KMT2A: variants seen among roughly 807,000 people sequenced by gnomAD.
The protein encoded by KMT2A is histone-lysine N-methyltransferase 2A.
In KMT2A, 16 loss-of-function variants were observed where a neutral mutation model predicts 345.3. The observed-to-expected ratio is 0.05, with a 90% CI of 0.03 to 0.07. KMT2A has a LOEUF of 0.07. KMT2A is among the 10% of genes least tolerant of loss of function. The pLI is 1.00. For synonymous variants in KMT2A, 1,599 were observed against 1,778.6 expected (o/e 0.90, Z 2.54); for missense variants, 3,272 against 4,841.6 (o/e 0.68, Z 9.62).
At chr11:118,479,637 G>A (rs1300980782) in intron 5 of KMT2A, among the ~76,000 whole-genome samples, 1 of 152,162 alleles carries the variant, frequency 6.6e-6, no homozygotes, top group African/African-American at 2.4e-5. Flanking sequence ...ATGATAGCAA[G>A]ATAAAGTTGC....
chr11:118,521,211 A>G lies in KMT2A; in HGVS notation c.11514-77A>G. ...CCTCCTGGGGAACTAACAGACCAGG[A>G]GAACTTATTCATGTATTCACGCACT... is the stretch of plus-strand genomic sequence containing the variant. On this transcript the variant is annotated intron_variant, in intron 34 of 35. Coordinates refer to ENST00000534358, the MANE Select transcript of KMT2A (RefSeq NM_001197104.2). The surrounding 1 kb of genome is among the most constrained non-coding windows in gnomAD (Gnocchi z 5.3). 1 of 1,489,440 alleles carries G rather than the reference A, an allele frequency of 6.7e-7. No homozygotes were observed. The allele number at this position is 1,489,440 out of a possible 1,614,324, so 92.3% of individuals were successfully genotyped here. A position where few individuals can be genotyped will look rare whatever the true frequency, so the allele number is the denominator to read the frequency against.
At chr11:118,488,444 C>T (rs1333262337) in intron 10 of KMT2A, 170 bp from the exon 11 acceptor site, 15 of 704,094 alleles carry the variant, frequency 2.1e-5, no homozygotes, top group Non-Finnish European at 3.6e-5. Flanking sequence ...GAATCTCCCG[C>T]AGTGTCCAAT....
At chr11:118,455,088 C>T (rs1162407548) in intron 1 of KMT2A, among the ~76,000 whole-genome samples, 1 of 152,178 alleles carries the variant, frequency 6.6e-6, no homozygotes, top group Non-Finnish European at 1.5e-5. Flanking sequence ...AGCGCAGTGG[C>T]TCAGTCAGTT....
chr11:118,492,192 A>G (rs1157796611), intron 15 of KMT2A, among the ~76,000 whole-genome samples: 2 of 152,134 alleles, frequency 1.3e-5, no homozygotes, highest in Non-Finnish European at 2.9e-5. Flanking sequence ...GAAGCACTTC[A>G]CCCAAGACAG....
Position 118,473,901 on chromosome 11 carries a change from G to C in KMT2A, c.2742G>C (p.Glu914Asp). The C allele has an allele frequency of 6.2e-7, 1 of 1,614,206 alleles. No individual in the cohort carries two copies. Among genetic ancestry groups the C allele is most frequent in the Non-Finnish European group, 8.5e-7 (1 of 1,180,040 alleles). The change falls in exon 3 of 36, where the codon GAG becomes GAC. Residue 914 changes from glutamate (E) to aspartate (D), a missense_variant. Around this residue, in one of 27 missense-constraint regions of KMT2A, gnomAD observed 209 missense variants for 237.4 expected, o/e 0.88. Coordinates refer to ENST00000534358, the MANE Select transcript of KMT2A (RefSeq NM_001197104.2). The surrounding 1 kb of genome is among the most constrained non-coding windows in gnomAD (Gnocchi z 5.2). The part of the protein sequence containing the change: ...ALYPVGRVSK[E>D]KVVGEDVATS... Reference sequence around the variant, plus strand: ...ATCCTGTGGGTAGGGTTTCCAAAGAGAAGGTTGTTGGTGAAGATGTTGCCA... The same window carrying C: ...ATCCTGTGGGTAGGGTTTCCAAAGACAAGGTTGTTGGTGAAGATGTTGCCA...
Position 118,497,907 on chromosome 11 carries a change from A to G in KMT2A, c.5665-29A>G. 6.3e-7 allele frequency: 1 copy of G among 1,578,598 alleles called. No individual in the cohort carries two copies. The highest frequency in any genetic ancestry group is 8.7e-7 in the Non-Finnish European group (1 of 1,149,424). On this transcript the variant is annotated intron_variant, in intron 20 of 35. Coordinates refer to ENST00000534358, the MANE Select transcript of KMT2A (RefSeq NM_001197104.2). This position sits in a 1 kb window ranked among gnomAD's most constrained non-coding sequence, Gnocchi z 4.8. ...AACCTCCTTTGGCATTATATTCTTTAGGAAAAAAGAAATCTCTTTATTTTA... is the reference window on the plus strand; with the variant it reads ...AACCTCCTTTGGCATTATATTCTTTGGGAAAAAAGAAATCTCTTTATTTTA...
chr11:118,450,786 A>C (rs1355274930), intron 1 of KMT2A: 1 of 152,194 alleles, frequency 6.6e-6, no homozygotes, highest in Non-Finnish European at 1.5e-5. Flanking sequence ...TGCCCCTGAC[A>C]ATCTGTTCAC....
At chr11:118,488,391 T>TC (rs758334108) in intron 10 of KMT2A, 142 of 566,830 alleles carry the variant, frequency 2.5e-4, no homozygotes, top group Non-Finnish European at 3.9e-4. Context: ...TATATTTATT[T>TC]TGTTACTTTC....
Position 118,485,324 on chromosome 11 carries a change from A to G in KMT2A, c.4332+349A>G, listed in dbSNP as rs537669083. Among the ~76,000 whole-genome samples, 53 of 152,278 alleles carry G rather than the reference A, an allele frequency of 3.5e-4. No homozygotes were observed. The East Asian group carries it at 9.5e-3, about 27-fold the overall frequency. ...ATTGTATATCAAAGCCTCTTCATCT[A>G]TAAGGAGCTCTTACCAATTAATAAG... On this transcript the variant is annotated intron_variant, in intron 10 of 35. Transcript: ENST00000534358.
At chr11:118,477,048 G>C in intron 4 of KMT2A, 66 bp downstream of exon 4, 1 of 1,512,784 alleles carries the variant, frequency 6.6e-7, no homozygotes, top group Non-Finnish European at 9.2e-7. Flanking sequence ...TTATTCTGGG[G>C]ATGCCCAGTA....
In KMT2A at chr11:118,506,240, G is replaced by A; in HGVS notation, c.10348G>A (p.Asp3450Asn). The change falls in exon 27 of 36, where the codon GAC becomes AAC. Residue 3450 changes from aspartate (D) to asparagine (N), a missense_variant. Around this residue, in one of 27 missense-constraint regions of KMT2A, gnomAD observed 748 missense variants for 922.2 expected, o/e 0.81. Coordinates refer to ENST00000534358, the MANE Select transcript of KMT2A (RefSeq NM_001197104.2). ...ITAASPSGEA[D>N]EHYQLQHVNQ... ...AGCCGCTTCACCTTCTGGGGAAGCA[G>A]ACGAACACTATCAGCTTCAGCATGT... is the stretch of plus-strand genomic sequence containing the variant. 6.2e-7 allele frequency: 1 copy of A among 1,614,198 alleles called. No individual in the cohort carries two copies. Among genetic ancestry groups the A allele is most frequent in the South Asian group, 1.1e-5 (1 of 91,084 alleles).
chr11:118,449,140 T>C (rs1423628252), intron 1 of KMT2A: 1 of 152,142 alleles, frequency 6.6e-6, no homozygotes, highest in African/African-American at 2.4e-5. Flanking sequence ...CTTCTCAGAA[T>C]GTGATGGCAA....
rs1555045167 is a variant in KMT2A at position 118,499,899 on chromosome 11, T to C, written c.6144T>C (p.Phe2048=). ...NDLSDCEDKL[F]PIGYQCSRVY... ...TCTCCGACTGTGAAGATAAGCTCTT[T>C]CCTATTGGATATCAGTAAGTAGCAC... Residue 2048 remains phenylalanine (F), a synonymous_variant, in exon 24 of 36, where the codon TTT becomes TTC. Transcript: ENST00000534358. The C allele has an allele frequency of 8.1e-6, 13 of 1,609,144 alleles. No individual in the cohort carries two copies. The highest frequency in any genetic ancestry group is 1.1e-5 in the Non-Finnish European group (13 of 1,175,490).
rs1423453846 is a variant in KMT2A at position 118,436,723 on chromosome 11, G to C, written c.211G>C (p.Gly71Arg). Residue 71 changes from glycine to arginine, a missense_variant, in exon 1 of 36, where the codon GGG (glycine) becomes CGG (arginine). Around this residue, in one of 27 missense-constraint regions of KMT2A, gnomAD observed 412 missense variants for 511.0 expected, o/e 0.81. Transcript: ENST00000534358. The surrounding 1 kb of genome is among the most constrained non-coding windows in gnomAD (Gnocchi z 6.9). ...CGCGGCGGCGGCGGCGGGAAGCAGCGGGGCTGGGGTTCCAGGGGGAGCGGC... is the reference window on the plus strand; with the variant it reads ...CGCGGCGGCGGCGGCGGGAAGCAGCCGGGCTGGGGTTCCAGGGGGAGCGGC... ...AAAAAAAGSSGAGVPGGAAAA... is the reference protein window; with the variant it reads ...AAAAAAAGSSRAGVPGGAAAA... 1.4e-6 allele frequency: 2 copies of C among 1,434,370 alleles called. No individual in the cohort carries two copies. Among genetic ancestry groups the C allele is most frequent in the Non-Finnish European group, 1.8e-6 (2 of 1,086,022 alleles). The allele number at this position is 1,434,370 out of a possible 1,614,324, so 88.9% of individuals were successfully genotyped here.
rs781933899 is a variant in KMT2A at position 118,472,349 on chromosome 11, G to A, written c.1190G>A (p.Arg397Lys). ...AAAGAAGCAGCTCAGCTGCAGGGAA[G>A]AAAGGTGAAGACACAGGTCAAAAAT... Reference protein sequence around the residue: ...IEKEAAQLQGRKVKTQVKNIR... With the variant: ...IEKEAAQLQGKKVKTQVKNIR... Residue 397 changes from arginine (R) to lysine (K), a missense_variant, in exon 3 of 36, where the codon AGA (arginine) becomes AAA (lysine). Physicochemically the swap from Arg to Lys is conservative, Grantham distance 26. Transcript: ENST00000534358. 5.6e-6 allele frequency: 9 copies of A among 1,614,014 alleles called. No individual in the cohort carries two copies. The Admixed American group carries it at 1.5e-4, about 27-fold the overall frequency.
At position 118,505,498 on chromosome 11, in the gene KMT2A, A is replaced by T; in HGVS notation, c.9606A>T (p.Ser3202=). 1 of 1,614,196 alleles carries T rather than the reference A, an allele frequency of 6.2e-7. No individual in the cohort carries two copies. The highest frequency in any genetic ancestry group is 8.5e-7 in the Non-Finnish European group (1 of 1,180,036). Residue 3202 remains serine (S), a synonymous_variant, in exon 27 of 36, where the codon TCA becomes TCT. Transcript: ENST00000534358. This position sits in a 1 kb window ranked among gnomAD's most constrained non-coding sequence, Gnocchi z 4.6. ...QPPPDPQLLV[S]ESSQRTDLST... is the part of the protein sequence containing the mutation. The stretch of plus-strand genomic sequence containing the variant: ...CTCCGGATCCCCAACTTTTGGTTTC[A>T]GAATCCAGCCAGAGGACAGACCTCA...
At chr11:118,488,358 G>A (rs1477845349) in intron 10 of KMT2A, 3 of 480,020 alleles carry the variant, frequency 6.2e-6, no homozygotes, top group African/African-American at 3.9e-5. Flanking sequence ...AGGTCACTTA[G>A]CATGTTCTGT....
chr11:118,501,923 C>G, intron 26 of KMT2A, 66 bp downstream of exon 26: 1 of 1,332,434 alleles, frequency 7.5e-7, no homozygotes, highest in Non-Finnish European at 1.0e-6. Flanking sequence ...GTAATTCTTT[C>G]AGGCAACTTT....
chr11:118,437,918 G>T (rs1193053375), intron 1 of KMT2A, among the ~76,000 whole-genome samples: 1 of 151,884 alleles, frequency 6.6e-6, no homozygotes, highest in Non-Finnish European at 1.5e-5. Flanking sequence ...GGTGTTTGTT[G>T]GGGGACTGAG....
Sources: gnomAD v4.1 joint callset for allele counts (sites outside exome capture counted in the v4.1 genomes callset) on GRCh38, gnomAD v4.1.1 for gene constraint, gnomAD v4.1.1 regional missense constraint, Gnocchi (gnomAD v3.1) non-coding constraint, MANE v1.5 for transcripts, NCBI Gene and HGNC (gene_info 2026-07-23, HGNC 2026-07-21) for gene names.